POC1B: variants seen among roughly 807,000 people sequenced by gnomAD.
The protein encoded by POC1B is POC1 centriolar protein homolog B.
POC1B carries 44 observed loss-of-function variants against 60.6 expected under a neutral mutation model. The observed-to-expected ratio is 0.73, with a 90% confidence interval of 0.57 to 0.93. The LOEUF (loss-of-function observed/expected upper bound fraction) is 0.93. POC1B is among the 40% of genes least tolerant of loss of function. POC1B has a pLI of 0.00. For missense variants in POC1B, 555 were observed against 572.3 expected (o/e 0.97, Z 0.31); for synonymous variants, 180 against 198.9 (o/e 0.90, Z 0.80).
At chr12:89,418,527 CCCCA>C (rs1466438897), downstream of POC1B, among the ~76,000 whole-genome samples, 3 of 152,060 alleles carry the variant, frequency 2.0e-5, no homozygotes, top group Non-Finnish European at 4.4e-5. Flanking sequence ...GGTTGTTTGG[CCCCA>C]CCAAGTCTCA....
At chr12:89,522,949 T>G (rs1184489901) in intron 2 of POC1B, 6 of 1,613,948 alleles carry the variant, frequency 3.7e-6, no homozygotes, top group Non-Finnish European at 5.1e-6. Flanking sequence ...TCCATCTTCT[T>G]TAAAATGCCA....
chr12:89,504,895 A>G (rs554396475), intron 2 of POC1B, among the ~76,000 whole-genome samples: 5 of 152,352 alleles, frequency 3.3e-5, no homozygotes, highest in African/African-American at 1.2e-4. Flanking sequence ...ACTTGAGGCC[A>G]GGAGTTTGAG....
intron 9 of POC1B, among the ~76,000 whole-genome samples, chr12:89,462,416 G>T (rs928757927): frequency 6.6e-6 from 1 of 152,126 alleles, no homozygotes; most frequent in African/African-American, 2.4e-5. Context: ...ATGAGGTAAA[G>T]GTTAGCCTGT....
chr12:89,402,462 G>T, the POC1B span, among the ~76,000 whole-genome samples: 2 of 151,708 alleles, frequency 1.3e-5, no homozygotes, highest in Non-Finnish European at 2.9e-5. Context: ...GACAGATTTT[G>T]TTACCCAGGT....
downstream of POC1B, among the ~76,000 whole-genome samples, chr12:89,419,501 C>A (rs1880441368): frequency 1.3e-5 from 2 of 152,072 alleles, no homozygotes; most frequent in South Asian, 4.1e-4. Context: ...AAAGTGTGGA[C>A]CTCAGGCCAA....
chr12:89,524,523 G>C lies in POC1B; in HGVS notation c.100+597C>G, dbSNP rs767142226. 3.1e-6 allele frequency: 5 copies of C among 1,611,662 alleles called. No individual in the cohort carries two copies. In the African/African-American group the frequency reaches 5.3e-5, roughly 17 times the overall value. On this transcript the variant is annotated intron_variant, in intron 2 of 11. Transcript: ENST00000313546. ...AAAACGCCAGCAGCAGGCAGCTCTT[G>C]CCTGCCCAAGTCCACCTCACCGCCA...
chr12:89,522,442 G>A (rs975560266), intron 2 of POC1B: 2 of 363,148 alleles, frequency 5.5e-6, no homozygotes, highest in Non-Finnish European at 4.9e-6. Flanking sequence ...AGTGGGATGT[G>A]CGGTGAACTT....
chr12:89,455,612 A>T (rs931331136), intron 10 of POC1B, among the ~76,000 whole-genome samples: 45 of 152,332 alleles, frequency 3.0e-4, no homozygotes, highest in Non-Finnish European at 2.9e-5. Context: ...CATGTAGGAC[A>T]TCTTCAACTA....
intron 3 of POC1B, among the ~76,000 whole-genome samples, chr12:89,493,373 G>T (rs1869080386): frequency 6.6e-6 from 1 of 152,172 alleles, no homozygotes; most frequent in South Asian, 2.1e-4. Context: ...CACATAAAAA[G>T]AACTCAATAC....
chr12:89,432,958 G>A (rs909747025), intron 10 of POC1B, among the ~76,000 whole-genome samples: 1 of 152,180 alleles, frequency 6.6e-6, no homozygotes, highest in Non-Finnish European at 1.5e-5. Context: ...GGTGGCCCTT[G>A]AGGTTGAAGA....
chr12:89,454,405 A>G (rs1164041962), intron 10 of POC1B, among the ~76,000 whole-genome samples: 1 of 152,062 alleles, frequency 6.6e-6, no homozygotes, highest in Admixed American at 6.5e-5. Context: ...TTAGCTTCCT[A>G]ATTAGTCTCT....
At chr12:89,496,735 G>A (rs545112473) in intron 3 of POC1B, among the ~76,000 whole-genome samples, 83 of 152,210 alleles carry the variant, frequency 5.5e-4, no homozygotes, top group Admixed American at 8.5e-4. Context: ...TCTGGACCCC[G>A]ATAATGAGTG....
At chr12:89,514,226 A>G (rs1217033762) in intron 2 of POC1B, among the ~76,000 whole-genome samples, 1 of 149,284 alleles carries the variant, frequency 6.7e-6, no homozygotes, top group East Asian at 2.0e-4. Context: ...AGTATATAGC[A>G]CCTCCCCTTC....
chr12:89,476,754 AT>A (rs1883133154), intron 4 of POC1B, among the ~76,000 whole-genome samples: 1 of 68,030 alleles, frequency 1.5e-5, no homozygotes, highest in African/African-American at 4.5e-5. Context: ...AGATAGATAG[AT>A]AGATAGACAG....
At position 89,524,535 on chromosome 12, in the gene POC1B, C is replaced by A. The variant is rs778200897; in HGVS notation, c.100+585G>T. 1.9e-6 allele frequency: 3 copies of A among 1,611,346 alleles called. No individual in the cohort carries two copies. The highest frequency in any genetic ancestry group is 1.3e-5 in the African/African-American group (1 of 74,868). ...GCAGGCAGCTCTTGCCTGCCCAAGT[C>A]CACCTCACCGCCATCCGGATTCTCA... On this transcript the variant is annotated intron_variant, in intron 2 of 11. Coordinates refer to ENST00000313546, the MANE Select transcript of POC1B (RefSeq NM_172240.3).
intron 2 of POC1B, among the ~76,000 whole-genome samples, chr12:89,517,530 G>A (rs1472817881): frequency 6.6e-6 from 1 of 152,048 alleles, no homozygotes; most frequent in Non-Finnish European, 1.5e-5. Flanking sequence ...CTACTTGGGA[G>A]GCTGAGGCAT....
At chr12:89,447,764 G>A (rs1308387810) in intron 10 of POC1B, among the ~76,000 whole-genome samples, 1 of 151,784 alleles carries the variant, frequency 6.6e-6, no homozygotes, top group Non-Finnish European at 1.5e-5. Flanking sequence ...ACCAAGTATG[G>A]CACAAATTCA....
At chr12:89,522,940 C>T (rs759057914) in intron 2 of POC1B, 8 of 1,613,906 alleles carry the variant, frequency 5.0e-6, no homozygotes, top group Non-Finnish European at 6.8e-6. Context: ...AAAAATAGTT[C>T]CATCTTCTTT....
chr12:89,493,074 C>T (rs555454968), intron 3 of POC1B, among the ~76,000 whole-genome samples: 56 of 152,228 alleles, frequency 3.7e-4, no homozygotes, highest in African/African-American at 1.3e-3. Context: ...GGTGAGGTAT[C>T]CTGCCACTCA....
Sources: gnomAD v4.1 joint callset for allele counts (sites outside exome capture counted in the v4.1 genomes callset) on GRCh38, gnomAD v4.1.1 for gene constraint, MANE v1.5 for transcripts, NCBI Gene and HGNC (gene_info 2026-07-23, HGNC 2026-07-21) for gene names.